PTPRK: variants seen among roughly 807,000 people sequenced by gnomAD.
The protein encoded by PTPRK is receptor-type tyrosine-protein phosphatase kappa.
A neutral mutation model predicts 178.0 loss-of-function variants in PTPRK; 75 were observed. That is an observed-to-expected ratio of 0.42 (90% CI 0.35 to 0.51). PTPRK has a LOEUF of 0.51. Among genes scored for constraint, PTPRK ranks in the 20% least tolerant of loss-of-function variants. The pLI is 0.02. For missense variants in PTPRK, 1,441 were observed against 1,797.8 expected (o/e 0.80, Z 3.59); for synonymous variants, 637 against 620.6 (o/e 1.03, Z -0.39).
intron 13 of PTPRK, among the ~76,000 whole-genome samples, chr6:128,025,373 TTGTC>T (rs1774132576): frequency 6.6e-6 from 1 of 152,150 alleles, no homozygotes; most frequent in African/African-American, 2.4e-5. Flanking sequence ...TTTTGCAAAA[TTGTC>T]CTACCTTATA....
intron 3 of PTPRK, among the ~76,000 whole-genome samples, chr6:128,262,857 C>CAAAAAAAAAAAAAAAAAAA (rs747334195): frequency 5.3e-5 from 4 of 75,106 alleles, no homozygotes; most frequent in African/African-American, 2.0e-4. Context: ...AACCAATAAC[C>CAAAAAAAAAAAAAAAAAAA]AAAAAAAAAA....
At chr6:128,233,882 T>G (rs1812749139) in intron 5 of PTPRK, among the ~76,000 whole-genome samples, 1 of 152,200 alleles carries the variant, frequency 6.6e-6, no homozygotes, top group African/African-American at 2.4e-5. Context: ...CACTGTTGAA[T>G]TTCTCTGCCC....
intron 25 of PTPRK, 101 bp from the exon 26 acceptor site, chr6:127,977,155 C>T: frequency 1.7e-6 from 2 of 1,178,412 alleles, no homozygotes; most frequent in Non-Finnish European, 2.5e-6. Context: ...CAGTAAGATG[C>T]AATAGCTTCA....
intron 1 of PTPRK, among the ~76,000 whole-genome samples, chr6:128,401,322 G>A (rs1215495848): frequency 1.3e-5 from 2 of 152,106 alleles, no homozygotes; most frequent in South Asian, 4.2e-4. Flanking sequence ...ACATAAAAAG[G>A]AAAGAAAAGT....
chr6:128,098,888 T>G lies in PTPRK; in HGVS notation c.1163-8896A>C, dbSNP rs544830400. ...TTAAAACGACTTTTAATGGATATAT[T>G]TTTGTCTTCGCTTGCTGTATGCTCT... On this transcript the variant is annotated intron_variant, in intron 7 of 29. Coordinates refer to ENST00000368226, the MANE Select transcript of PTPRK (RefSeq NM_002844.4). 5.9e-5 allele frequency among the ~76,000 whole-genome samples: 9 copies of G among 152,148 alleles called. No homozygotes were observed. In the South Asian group the frequency reaches 1.9e-3, roughly 32 times the overall value.
intron 7 of PTPRK, among the ~76,000 whole-genome samples, chr6:128,117,290 G>A (rs1199257933): frequency 1.3e-5 from 2 of 152,134 alleles, no homozygotes; most frequent in African/African-American, 4.8e-5. Flanking sequence ...GAAGAAATAA[G>A]TTCTGTAAAA....
At chr6:128,436,996 A>T (rs775806243) in intron 1 of PTPRK, among the ~76,000 whole-genome samples, 1 of 152,142 alleles carries the variant, frequency 6.6e-6, no homozygotes, top group Admixed American at 6.5e-5. Context: ...TGTGTTTTTA[A>T]TTTATGATGG....
At position 128,506,682 on chromosome 6, in the gene PTPRK, A is replaced by G. The variant is rs75484715; in HGVS notation, c.100+13577T>C. ...CTCAAAAAAAAAAAAAAAAAAAAAAATTATTATAAGTCACTGTAACCTCTA... is the reference window on the plus strand; with the variant it reads ...CTCAAAAAAAAAAAAAAAAAAAAAAGTTATTATAAGTCACTGTAACCTCTA... On this transcript the variant is annotated intron_variant, in intron 1 of 29. Coordinates refer to ENST00000368226, the MANE Select transcript of PTPRK (RefSeq NM_002844.4). 1.6e-3 allele frequency among the ~76,000 whole-genome samples: 231 copies of G among 146,286 alleles called. 5 individuals carry two copies. Among genetic ancestry groups the G allele is most frequent in the African/African-American group, 5.3e-3 (202 of 38,114 alleles).
intron 2 of PTPRK, among the ~76,000 whole-genome samples, chr6:128,349,853 A>G (rs998179169): frequency 6.6e-6 from 1 of 152,162 alleles, no homozygotes; most frequent in African/African-American, 2.4e-5. Context: ...TTTAATGATT[A>G]TAGGAGACTT....
chr6:128,414,076 A>G (rs1260825390), intron 1 of PTPRK, among the ~76,000 whole-genome samples: 1 of 152,198 alleles, frequency 6.6e-6, no homozygotes, highest in Non-Finnish European at 1.5e-5. Flanking sequence ...GTAGAGCAAC[A>G]AATTCCCTGT....
chr6:128,425,364 G>A (rs1379396182), intron 1 of PTPRK, among the ~76,000 whole-genome samples: 4 of 151,754 alleles, frequency 2.6e-5, no homozygotes, highest in African/African-American at 9.7e-5. Flanking sequence ...GGGGTGAGCC[G>A]GTGTGCCTGG....
intron 3 of PTPRK, among the ~76,000 whole-genome samples, chr6:128,276,041 T>A (rs536388595): frequency 1.3e-5 from 2 of 152,048 alleles, no homozygotes; most frequent in African/African-American, 4.8e-5. Flanking sequence ...AAATTTTAAG[T>A]ATGCACATAA....
intron 7 of PTPRK, among the ~76,000 whole-genome samples, chr6:128,156,134 G>A (rs1181012869): frequency 6.6e-6 from 1 of 151,724 alleles, no homozygotes; most frequent in East Asian, 1.9e-4. Flanking sequence ...GGTCATCTAT[G>A]TATTCTTTAA....
rs1267893323 is a variant in PTPRK, at chr6:128,083,729, T to C, written c.1561A>G (p.Ile521Val). The C allele has an allele frequency of 3.1e-6, 5 of 1,591,648 alleles. No individual in the cohort carries two copies. The highest frequency in any genetic ancestry group is 4.3e-6 in the Non-Finnish European group (5 of 1,163,100). Residue 521 changes from isoleucine (I) to valine (V), a missense_variant, in exon 9 of 30, where the codon ATC (isoleucine) becomes GTC (valine). Coordinates refer to ENST00000368226, the MANE Select transcript of PTPRK (RefSeq NM_002844.4). ...TCTCCCAATACCTCATATTGAGTGA[T>C]GATTCCATTTGGATCCAAAGGTTCT... ...WKEPLDPNGI[I>V]TQYEISYSSI...
At chr6:128,230,419 G>C (rs1812103798) in intron 5 of PTPRK, among the ~76,000 whole-genome samples, 1 of 152,144 alleles carries the variant, frequency 6.6e-6, no homozygotes. Flanking sequence ...CATGAGAGTG[G>C]TTATTTGTAG....
chr6:128,514,383 TGTGTG>T lies in PTPRK; in HGVS notation c.100+5871_100+5875del, dbSNP rs1213253578. ...AGCATTGTTAAGATGTGTGTGTGTG[TGTGTG>T]TGTGTGTGTGTGTATTCACACAGAG... On this transcript the variant is annotated intron_variant, in intron 1 of 29. Transcript: ENST00000368226. Among the ~76,000 whole-genome samples, 243 of 146,346 alleles carry T rather than the reference TGTGTG, an allele frequency of 1.7e-3. 2 individuals carry two copies. The East Asian group carries it at 0.024, about 15-fold the overall frequency.
chr6:128,204,532 T>A (rs1380831286), intron 6 of PTPRK, among the ~76,000 whole-genome samples: 1 of 151,974 alleles, frequency 6.6e-6, no homozygotes, highest in Non-Finnish European at 1.5e-5. Context: ...GACAAAAGTC[T>A]AATATCCAGA....
At chr6:128,401,228 T>C (rs537952614) in intron 1 of PTPRK, among the ~76,000 whole-genome samples, 66 of 152,312 alleles carry the variant, frequency 4.3e-4, no homozygotes, top group Middle Eastern at 6.8e-3. Flanking sequence ...CAAGCTGATA[T>C]GAACTTGCCA....
At chr6:128,097,863 T>C (rs945346958) in intron 7 of PTPRK, among the ~76,000 whole-genome samples, 12 of 152,242 alleles carry the variant, frequency 7.9e-5, no homozygotes, top group African/African-American at 1.9e-4. Context: ...GTATAAATCA[T>C]AGACACAAAA....
Sources: gnomAD v4.1 joint callset for allele counts (sites outside exome capture counted in the v4.1 genomes callset) on GRCh38, gnomAD v4.1.1 for gene constraint, MANE v1.5 for transcripts, NCBI Gene and HGNC (gene_info 2026-07-23, HGNC 2026-07-21) for gene names.